Variants in DDX10 observed in about 807,000 individuals in gnomAD.
DDX10 encodes the protein DEAD-box helicase 10, also known as probable ATP-dependent RNA helicase DDX10.
Under a neutral mutation model 104.3 loss-of-function variants are expected in DDX10, and 74 were observed. That is an observed-to-expected ratio of 0.71 (90% CI 0.59 to 0.86). The LOEUF (loss-of-function observed/expected upper bound fraction) is 0.86, where lower values mean the gene tolerates loss of function less well. Among genes scored for constraint, DDX10 ranks in the 40% least tolerant of loss-of-function variants. DDX10 has a pLI of 0.00. For missense variants in DDX10, 952 were observed against 1,040.0 expected, an observed-to-expected ratio of 0.92 and a Z score of 1.16; for synonymous variants, 351 against 353.4, an observed-to-expected ratio of 0.99 and a Z score of 0.08.
chr11:108,845,645 G>C (rs775033203), intron 15 of DDX10, among the ~76,000 whole-genome samples: 2 of 152,110 alleles, frequency 1.3e-5, no homozygotes, highest in South Asian at 4.2e-4. Flanking sequence ...GGATGTGCCT[G>C]AATGAATTTT....
intron 13 of DDX10, chr11:108,727,767 T>C: frequency 5.9e-6 from 1 of 169,618 alleles, no homozygotes; most frequent in South Asian, 1.6e-4. Context: ...AGTTTTCTTG[T>C]TTGGACCGTT....
At chr11:108,677,052 A>G (rs771359091) in intron 3 of DDX10, 33 bp from the exon 4 acceptor site, 2 of 1,578,924 alleles carry the variant, frequency 1.3e-6, no homozygotes, top group Non-Finnish European at 1.7e-6. Context: ...ACTTCTGATG[A>G]CTTACTGAAC....
At chr11:108,881,061 C>T (rs983669000) in intron 16 of DDX10, among the ~76,000 whole-genome samples, 1 of 152,142 alleles carries the variant, frequency 6.6e-6, no homozygotes, top group Non-Finnish European at 1.5e-5. Context: ...TCTCCTTAAT[C>T]ATTTTTAAAA....
intron 3 of DDX10, among the ~76,000 whole-genome samples, chr11:108,676,114 G>C (rs534052569): frequency 2.6e-5 from 4 of 152,186 alleles, no homozygotes; most frequent in Non-Finnish European, 4.4e-5. Context: ...TTGCCACCTT[G>C]TTTAGGATAA....
At chr11:108,762,850 C>A (rs981638816) in intron 13 of DDX10, among the ~76,000 whole-genome samples, 1 of 152,126 alleles carries the variant, frequency 6.6e-6, no homozygotes, top group South Asian at 2.1e-4. Flanking sequence ...TTCCTTCTTT[C>A]CTTTCTCGGA....
chr11:108,671,752 C>T (rs2094217327), intron 1 of DDX10, among the ~76,000 whole-genome samples: 1 of 152,140 alleles, frequency 6.6e-6, no homozygotes, highest in South Asian at 2.1e-4. Flanking sequence ...AGAACATCAA[C>T]AGAATCAAAA....
chr11:108,900,644 C>A lies in DDX10; in HGVS notation c.2305-17229C>A, dbSNP rs151242591. Among the ~76,000 whole-genome samples the A allele has an allele frequency of 2.0e-5, 3 of 152,262 alleles. No homozygotes were observed. In the East Asian group the frequency reaches 5.8e-4, roughly 29 times the overall value. ...GTTGATTTACCTAAAGTTGCACAAC[C>A]GGAATGGTGGACCCAAGATTTAGCA... On this transcript the variant is annotated intron_variant, in intron 16 of 17. Coordinates refer to ENST00000322536, the MANE Select transcript of DDX10 (RefSeq NM_004398.4).
chr11:108,890,327 C>T (rs944222447), intron 16 of DDX10, among the ~76,000 whole-genome samples: 3 of 152,114 alleles, frequency 2.0e-5, no homozygotes, highest in African/African-American at 7.2e-5. Context: ...AGCTCCCAAC[C>T]GTAGCTGAGA....
intron 10 of DDX10, among the ~76,000 whole-genome samples, chr11:108,707,603 A>T (rs1038831545): frequency 3.3e-5 from 5 of 152,178 alleles, no homozygotes; most frequent in Non-Finnish European, 7.3e-5. Context: ...TATTGATTTT[A>T]TGCAAATAAC....
chr11:108,886,736 A>G (rs1412645126), intron 16 of DDX10, among the ~76,000 whole-genome samples: 2 of 152,202 alleles, frequency 1.3e-5, no homozygotes, highest in Non-Finnish European at 2.9e-5. Context: ...AGCATTTTTC[A>G]GTTATTTAAC....
At chr11:108,771,102 G>A (rs1299186390) in intron 13 of DDX10, among the ~76,000 whole-genome samples, 1 of 152,198 alleles carries the variant, frequency 6.6e-6, no homozygotes, top group South Asian at 2.1e-4. Flanking sequence ...CTGATGATTA[G>A]TGATGTTGAG....
chr11:108,784,945 G>A (rs1357133827), intron 13 of DDX10, among the ~76,000 whole-genome samples: 1 of 152,130 alleles, frequency 6.6e-6, no homozygotes, highest in Admixed American at 6.5e-5. Flanking sequence ...TATTGAATAA[G>A]GAGCCCTTTC....
intron 16 of DDX10, among the ~76,000 whole-genome samples, chr11:108,909,186 C>A (rs1265006101): frequency 6.6e-6 from 1 of 152,230 alleles, no homozygotes; most frequent in African/African-American, 2.4e-5. Flanking sequence ...GCCCTATTCC[C>A]CCCACCTCCC....
In DDX10 at chr11:108,671,497, C is replaced by A. The variant is rs371881421; in HGVS notation, c.187-1970C>A. 9.8e-4 allele frequency among the ~76,000 whole-genome samples: 150 copies of A among 152,298 alleles called. 4 individuals carry two copies. The South Asian group carries it at 0.03, about 30-fold the overall frequency. On this transcript the variant is annotated intron_variant, in intron 1 of 17. Transcript: ENST00000322536. Reference sequence around the variant, plus strand: ...TTCTTTGTAGGAACCGTAGCCATCTCCTGCTGTGGCTGCTATGTAATCCTT... The same window carrying A: ...TTCTTTGTAGGAACCGTAGCCATCTACTGCTGTGGCTGCTATGTAATCCTT...
intron 13 of DDX10, among the ~76,000 whole-genome samples, chr11:108,748,617 A>C (rs2094334672): frequency 6.6e-6 from 1 of 152,168 alleles, no homozygotes; most frequent in South Asian, 2.1e-4. Flanking sequence ...AATATTGGGA[A>C]ATTAAGGTCT....
intron 17 of DDX10, among the ~76,000 whole-genome samples, chr11:108,938,802 T>C (rs1019269413): frequency 6.6e-6 from 1 of 152,110 alleles, no homozygotes. Context: ...AATGGAGGAA[T>C]TATTTCCAGT....
At chr11:108,764,702 C>A (rs1180304001) in intron 13 of DDX10, among the ~76,000 whole-genome samples, 1 of 152,020 alleles carries the variant, frequency 6.6e-6, no homozygotes, top group African/African-American at 2.4e-5. Flanking sequence ...AGAATAGCTA[C>A]CCTGATACTG....
intron 13 of DDX10, among the ~76,000 whole-genome samples, chr11:108,790,260 A>C (rs531668331): frequency 6.6e-6 from 1 of 152,322 alleles, no homozygotes; most frequent in Non-Finnish European, 1.5e-5. Context: ...AAAAAGAACT[A>C]TGTAAGTGGT....
At chr11:108,698,953 C>T (rs1312927958) in intron 9 of DDX10, among the ~76,000 whole-genome samples, 1 of 152,214 alleles carries the variant, frequency 6.6e-6, no homozygotes, top group Non-Finnish European at 1.5e-5. Context: ...CTCAAGTATC[C>T]ACATGGCTGT....
Sources: gnomAD v4.1 joint callset for allele counts (sites outside exome capture counted in the v4.1 genomes callset) on GRCh38, gnomAD v4.1.1 for gene constraint, MANE v1.5 for transcripts, NCBI Gene and HGNC (gene_info 2026-07-23, HGNC 2026-07-21) for gene names.